ZNF385D: variants seen among roughly 807,000 people sequenced by gnomAD.
ZNF385D encodes the protein zinc finger protein 385D.
ZNF385D carries 15 observed loss-of-function variants against 35.8 expected under a neutral mutation model. The ratio of observed to expected loss-of-function variants is 0.42; its 90% CI spans 0.28 to 0.64. The LOEUF is 0.64. Ranked by LOEUF, ZNF385D falls within the 30% of genes least tolerant of loss-of-function variation. The probability of loss-of-function intolerance (pLI) is 0.23; values close to 1 mark genes in which losing one functional copy is unlikely to be tolerated. For missense variants in ZNF385D, 474 were observed against 494.6 expected (o/e 0.96, Z 0.39); for synonymous variants, 212 against 186.8 (o/e 1.13, Z -1.10).
At chr3:21,843,013 T>TTA (rs1467936988) in intron 3 of ZNF385D, among the ~76,000 whole-genome samples, 1 of 152,070 alleles carries the variant, frequency 6.6e-6, no homozygotes, top group Non-Finnish European at 1.5e-5. Context: ...AGCTTGGTCC[T>TTA]TATTTGAAAT....
At chr3:21,554,829 T>G (rs547603664) in intron 3 of ZNF385D, among the ~76,000 whole-genome samples, 1 of 152,194 alleles carries the variant, frequency 6.6e-6, no homozygotes, top group South Asian at 2.1e-4. Flanking sequence ...CACTTCCAGC[T>G]TCAGACATTT....
At chr3:22,008,646 G>A (rs865967794) in intron 3 of ZNF385D, among the ~76,000 whole-genome samples, 42 of 152,068 alleles carry the variant, frequency 2.8e-4, no homozygotes, top group Non-Finnish European at 2.9e-4. Flanking sequence ...GTGAGCCACC[G>A]CGCCCAGCCC....
At chr3:22,139,073 T>G (rs1215454826) in intron 3 of ZNF385D, among the ~76,000 whole-genome samples, 1 of 146,660 alleles carries the variant, frequency 6.8e-6, no homozygotes, top group East Asian at 2.2e-4. Flanking sequence ...AGATACCATC[T>G]CACACCAGTT....
intron 1 of ZNF385D, among the ~76,000 whole-genome samples, chr3:21,747,832 C>G (rs2069852707): frequency 6.6e-6 from 1 of 152,190 alleles, no homozygotes; most frequent in Admixed American, 6.5e-5. Flanking sequence ...AGCTGCCTTG[C>G]TTTTATTTCT....
At chr3:22,026,988 A>G (rs1302864954) in intron 3 of ZNF385D, among the ~76,000 whole-genome samples, 1 of 152,216 alleles carries the variant, frequency 6.6e-6, no homozygotes, top group Non-Finnish European at 1.5e-5. Context: ...GAGCAAATTA[A>G]CACATATCCT....
chr3:21,435,829 T>A (rs1001550481), intron 5 of ZNF385D, among the ~76,000 whole-genome samples: 1 of 152,184 alleles, frequency 6.6e-6, no homozygotes, highest in Admixed American at 6.5e-5. Flanking sequence ...TCTTAGTACC[T>A]GAACTCATGA....
At chr3:22,321,872 T>C (rs1280642705) in intron 2 of ZNF385D, among the ~76,000 whole-genome samples, 1 of 152,152 alleles carries the variant, frequency 6.6e-6, no homozygotes, top group African/African-American at 2.4e-5. Context: ...TTTTAATAGC[T>C]ACACTCCCTT....
Position 21,958,518 on chromosome 3 carries a change from ATTT to A in ZNF385D, c.325+210296_325+210298del, listed in dbSNP as rs547083875. On this transcript the variant is annotated intron_variant, in intron 3 of 5. Coordinates refer to the ZNF385D transcript ENST00000494108. ...ACGGGATTAATGAATAGGGGCTCTT[ATTT>A]TGTTGATATCACTCTTATTTGTAAC... 2.0e-3 allele frequency among the ~76,000 whole-genome samples: 309 copies of A among 152,200 alleles called. 1 individual carries two copies. The highest frequency in any genetic ancestry group is 7.0e-3 in the African/African-American group (291 of 41,528).
intron 4 of ZNF385D, among the ~76,000 whole-genome samples, chr3:21,443,792 A>G (rs1575154982): frequency 6.6e-6 from 1 of 152,058 alleles, no homozygotes; most frequent in South Asian, 2.1e-4. Flanking sequence ...CATTATTTGA[A>G]CTAAATTTCC....
At chr3:21,578,144 A>G (rs1283381982) in intron 2 of ZNF385D, among the ~76,000 whole-genome samples, 1 of 152,076 alleles carries the variant, frequency 6.6e-6, no homozygotes, top group African/African-American at 2.4e-5. Flanking sequence ...AGAAATGTCT[A>G]TTCAAGTCAT....
intron 1 of ZNF385D, among the ~76,000 whole-genome samples, chr3:21,722,295 T>C (rs1304118219): frequency 2.0e-5 from 3 of 152,164 alleles, no homozygotes; most frequent in Non-Finnish European, 4.4e-5. Context: ...TAAAACCTTT[T>C]CCTTCAGCAC....
At chr3:21,912,220 C>G (rs73129353) in intron 3 of ZNF385D, among the ~76,000 whole-genome samples, 1,823 of 151,864 alleles carry the variant, frequency 0.012, 32 homozygotes, top group African/African-American at 0.042. Flanking sequence ...TCAGCCCAGA[C>G]CCTAAACTCG....
intron 2 of ZNF385D, among the ~76,000 whole-genome samples, chr3:21,620,471 A>C (rs1200019243): frequency 6.6e-6 from 1 of 152,132 alleles, no homozygotes; most frequent in Non-Finnish European, 1.5e-5. Flanking sequence ...TATGTGAATA[A>C]AGCACCATTT....
rs1696090953 is a variant in ZNF385D at position 22,004,765 on chromosome 3, AC to A, written c.325+164051del. On this transcript the variant is annotated intron_variant, in intron 3 of 5. Coordinates refer to the ZNF385D transcript ENST00000494108. ...CTTATCAGAAACTCAAAAGAATGCA[AC>A]CTTTTGTCCTTATCTACCTATTACC... Among the ~76,000 whole-genome samples, 3 of 152,148 alleles carry A rather than the reference AC, an allele frequency of 2.0e-5. No individual in the cohort carries two copies. The South Asian group carries it at 6.2e-4, about 31-fold the overall frequency.
intron 3 of ZNF385D, among the ~76,000 whole-genome samples, chr3:22,009,942 A>G (rs1000758311): frequency 7.2e-5 from 11 of 152,168 alleles, no homozygotes; most frequent in Admixed American, 5.9e-4. Flanking sequence ...AATGAAAAAT[A>G]TGAAAAAAAT....
At chr3:22,364,209 T>C (rs1382746270) in intron 2 of ZNF385D, among the ~76,000 whole-genome samples, 5 of 152,062 alleles carry the variant, frequency 3.3e-5, no homozygotes, top group Admixed American at 2.0e-4. Context: ...GCAATGAGTT[T>C]TGGGATATGA....
Position 22,110,465 on chromosome 3 carries a change from A to G in ZNF385D, c.325+58352T>C, listed in dbSNP as rs986041025. 9.2e-5 allele frequency among the ~76,000 whole-genome samples: 14 copies of G among 152,294 alleles called. 1 individual carries two copies. The highest frequency in any genetic ancestry group is 5.9e-4 in the Admixed American group (9 of 15,282). On this transcript the variant is annotated intron_variant, in intron 3 of 5. Coordinates refer to the ZNF385D transcript ENST00000494108. ...ATGGAATACTATGCAGCCATAAAAA[A>G]TGATGAGTTCATGTCCTTTGTAGGG...
At chr3:21,886,358 A>AATGGAGTAAAG (rs6147729) in intron 3 of ZNF385D, among the ~76,000 whole-genome samples, 88,011 of 151,060 alleles carry the variant, frequency 0.58, 25,845 homozygotes, top group South Asian at 0.71. Flanking sequence ...GGCTGTGATT[A>AATGGAGTAAAG]ATGAGGAAGA....
chr3:22,348,485 T>TAAAAAAAAAAAAAAAAAAA (rs1168729541), intron 2 of ZNF385D, among the ~76,000 whole-genome samples: 20 of 84,872 alleles, frequency 2.4e-4, no homozygotes, highest in East Asian at 1.0e-3. Context: ...CCATCTCTAC[T>TAAAAAAAAAAAAAAAAAAA]AAAAAAAAAA....
Sources: gnomAD v4.1 joint callset for allele counts (sites outside exome capture counted in the v4.1 genomes callset) on GRCh38, gnomAD v4.1.1 for gene constraint, MANE v1.5 for transcripts, NCBI Gene and HGNC (gene_info 2026-07-23, HGNC 2026-07-21) for gene names.